Variants in ABCB5 observed in about 807,000 individuals in gnomAD.
The protein encoded by ABCB5 is ATP binding cassette subfamily B member 5.
ABCB5 carries 155 observed loss-of-function variants against 144.2 expected under a neutral mutation model. The observed-to-expected ratio is 1.08, with a 90% CI of 0.94 to 1.23. The LOEUF is 1.23. Among genes scored for constraint, ABCB5 ranks in the 50% most tolerant of loss-of-function variants. The probability of loss-of-function intolerance (pLI) is 0.00; values close to 1 mark genes in which losing one functional copy is unlikely to be tolerated. For synonymous variants in ABCB5, 610 were observed against 528.6 expected, an observed-to-expected ratio of 1.15 and a Z score of -2.11; for missense variants, 1,830 against 1,520.8, an observed-to-expected ratio of 1.20 and a Z score of -3.38.
intron 19 of ABCB5, among the ~76,000 whole-genome samples, chr7:20,702,148 A>G (rs746415653): frequency 1.3e-5 from 2 of 152,238 alleles, no homozygotes; most frequent in Non-Finnish European, 2.9e-5. Flanking sequence ...CCTGTTGAAA[A>G]GAATGTTCTA....
At chr7:20,655,372 C>G (rs1159612877) in intron 13 of ABCB5, among the ~76,000 whole-genome samples, 1 of 152,038 alleles carries the variant, frequency 6.6e-6, no homozygotes, top group Non-Finnish European at 1.5e-5. Context: ...ACTCGAAAGG[C>G]TGAGACAGGA....
At chr7:20,732,173 G>A (rs1269935282) in intron 23 of ABCB5, among the ~76,000 whole-genome samples, 1 of 152,104 alleles carries the variant, frequency 6.6e-6, no homozygotes, top group Non-Finnish European at 1.5e-5. Flanking sequence ...CCATTGCAGG[G>A]TCTTCACACT....
chr7:20,667,958 C>A, intron 14 of ABCB5, among the ~76,000 whole-genome samples: 1 of 98,326 alleles, frequency 1.0e-5, no homozygotes, highest in East Asian at 3.2e-4. Flanking sequence ...CTCCTAACCG[C>A]GAGTGATCCG....
chr7:20,685,303 TA>T (rs1239871585), intron 15 of ABCB5, among the ~76,000 whole-genome samples: 108 of 152,248 alleles, frequency 7.1e-4, no homozygotes, highest in African/African-American at 2.5e-3. Flanking sequence ...GCCTCACATA[TA>T]AGTACCCAAC....
intron 21 of ABCB5, among the ~76,000 whole-genome samples, chr7:20,726,096 C>A (rs1161832355): frequency 6.6e-6 from 1 of 152,140 alleles, no homozygotes; most frequent in Non-Finnish European, 1.5e-5. Context: ...TATTCTAAAC[C>A]AAAACTCTCT....
At chr7:20,651,233 G>A (rs1784572241) in intron 12 of ABCB5, among the ~76,000 whole-genome samples, 187 bp from the exon 13 acceptor site, 1 of 152,128 alleles carries the variant, frequency 6.6e-6, no homozygotes, top group Non-Finnish European at 1.5e-5. Flanking sequence ...TTGCAGTTTT[G>A]TTGGTGCCCA....
chr7:20,664,647 G>C (rs1284446374), intron 14 of ABCB5, among the ~76,000 whole-genome samples: 1 of 152,048 alleles, frequency 6.6e-6, no homozygotes, highest in African/African-American at 2.4e-5. Context: ...AAATAGGTAA[G>C]CTATTATGCC....
chr7:20,749,371 G>C (rs1249876061), intron 26 of ABCB5, among the ~76,000 whole-genome samples: 1 of 149,042 alleles, frequency 6.7e-6, no homozygotes, highest in African/African-American at 2.5e-5. Context: ...GCGACCATAG[G>C]TGCCTGCCAC....
chr7:20,686,513 T>G (rs1242899751), intron 16 of ABCB5, among the ~76,000 whole-genome samples: 1 of 151,990 alleles, frequency 6.6e-6, no homozygotes, highest in African/African-American at 2.4e-5. Flanking sequence ...TCCTGAACAT[T>G]CTCTGCAGCA....
rs111982513 is a variant in ABCB5, at chr7:20,739,110, G to C, written c.2995G>C (p.Asp999His). 3.1e-6 allele frequency: 5 copies of C among 1,606,902 alleles called. No homozygotes were observed. Among genetic ancestry groups the C allele is most frequent in the Non-Finnish European group, 4.2e-6 (5 of 1,176,784 alleles). Residue 999 changes from aspartate (D) to histidine (H), a missense_variant, in exon 24 of 28, where the codon GAC becomes CAC. Coordinates refer to ENST00000404938, the MANE Select transcript of ABCB5 (RefSeq NM_001163941.2). ...FALLEKKPNI[D>H]SRSQEGKKPD... ...CTTGTTGGAAAAGAAACCAAATATA[G>C]ACAGCCGCAGTCAAGAAGGGAAAAA...
rs192253559 is a variant in ABCB5 at position 20,627,465 on chromosome 7, G to A, written c.108+854G>A. Among the ~76,000 whole-genome samples, 461 of 152,030 alleles carry A rather than the reference G, an allele frequency of 3.0e-3. 11 individuals are homozygous for A. Among genetic ancestry groups the A allele is most frequent in the Admixed American group, 0.028 (424 of 15,254 alleles). ...AAATATGCAGTAAGTTCCTCTTGCT[G>A]TTATTAAAATCTAATTACATTTTAA... On this transcript the variant is annotated intron_variant, in intron 3 of 27. Coordinates refer to ENST00000404938, the MANE Select transcript of ABCB5 (RefSeq NM_001163941.2).
At chr7:20,648,206 G>A in intron 11 of ABCB5, 128 bp downstream of exon 11, 1 of 623,822 alleles carries the variant, frequency 1.6e-6, no homozygotes, top group South Asian at 2.0e-5. Context: ...TTAGAGACTT[G>A]AGGAGGTAGA....
intron 20 of ABCB5, among the ~76,000 whole-genome samples, chr7:20,715,292 C>T (rs570472396): frequency 5.9e-4 from 90 of 152,288 alleles, no homozygotes; most frequent in African/African-American, 1.9e-3. Flanking sequence ...GTGATCCACC[C>T]GCCTCAGCCT....
At chr7:20,717,078 G>T (rs150294512) in intron 20 of ABCB5, among the ~76,000 whole-genome samples, 311 of 152,210 alleles carry the variant, frequency 2.0e-3, no homozygotes, top group African/African-American at 7.0e-3. Flanking sequence ...CGCACCAGGA[G>T]CATTTAGTAT....
rs374518087 is a variant in ABCB5 at position 20,742,876 on chromosome 7, G to T, written c.3025-1G>T. 1.2e-6 allele frequency: 2 copies of T among 1,613,726 alleles called. No individual in the cohort carries two copies. Among genetic ancestry groups the T allele is most frequent in the African/African-American group, 1.3e-5 (1 of 74,914 alleles). Reference sequence around the variant, plus strand: ...TCAACTCTGTCAACTTCCTTTCACAGGACACATGTGAAGGGAATTTAGAGT... The same window carrying T: ...TCAACTCTGTCAACTTCCTTTCACATGACACATGTGAAGGGAATTTAGAGT... On this transcript the variant is annotated splice_acceptor_variant, in intron 24 of 27. Coordinates refer to ENST00000404938, the MANE Select transcript of ABCB5 (RefSeq NM_001163941.2). LOFTEE classifies it high-confidence loss of function.
intron 1 of ABCB5, among the ~76,000 whole-genome samples, chr7:20,619,409 G>C (rs1281424293): frequency 6.6e-6 from 1 of 151,964 alleles, no homozygotes; most frequent in Non-Finnish European, 1.5e-5. Context: ...ATCTCATTGT[G>C]GTTTTGATTT....
rs1343751597 is a variant in ABCB5, at chr7:20,755,539, A to G, written c.3689A>G (p.Lys1230Arg). The G allele has an allele frequency of 3.1e-6, 5 of 1,614,218 alleles. No individual in the cohort carries two copies. Among genetic ancestry groups the G allele is most frequent in the Admixed American group, 1.7e-5 (1 of 60,030 alleles). ...TTGATAGTGGTTCTGCACAATGGAA[A>G]GATAAAGGAACAAGGAACTCATCAA... ...ADLIVVLHNG[K>R]IKEQGTHQEL... The change falls in exon 28 of 28, where the codon AAG becomes AGG. Residue 1230 changes from lysine to arginine, a missense_variant. Transcript: ENST00000404938.
intron 14 of ABCB5, among the ~76,000 whole-genome samples, chr7:20,673,511 AT>A (rs1483248704): frequency 6.6e-6 from 1 of 152,092 alleles, no homozygotes; most frequent in African/African-American, 2.4e-5. Flanking sequence ...TCATTAGGAA[AT>A]AAACTTATTT....
At chr7:20,669,374 T>C (rs1785379403) in intron 14 of ABCB5, among the ~76,000 whole-genome samples, 1 of 145,728 alleles carries the variant, frequency 6.9e-6, no homozygotes, top group Non-Finnish European at 1.5e-5. Flanking sequence ...TTCATTTTGT[T>C]CTGTACTAAG....
Sources: allele counts gnomAD v4.1 joint callset (sites outside exome capture counted in the v4.1 genomes callset), GRCh38; gene constraint gnomAD v4.1.1; transcripts MANE v1.5; gene names NCBI Gene and HGNC (gene_info 2026-07-23, HGNC 2026-07-21).